THOC1: variants seen among roughly 807,000 people sequenced by gnomAD.
THOC1 encodes the protein THO complex 1.
In THOC1, 29 loss-of-function variants were observed where a neutral mutation model predicts 97.3. The ratio of observed to expected loss-of-function variants is 0.30; its 90% CI spans 0.22 to 0.41. THOC1 has a LOEUF of 0.41. Among genes scored for constraint, THOC1 ranks in the 10% least tolerant of loss-of-function variants. The pLI, the probability that THOC1 is intolerant of heterozygous loss-of-function variation, is 1.00. For missense variants in THOC1, 529 were observed against 761.9 expected (o/e 0.69, Z 3.60); for synonymous variants, 255 against 257.0 (o/e 0.99, Z 0.07).
At chr18:261,721 C>A (rs1288178758) in intron 4 of THOC1, among the ~76,000 whole-genome samples, 1 of 152,190 alleles carries the variant, frequency 6.6e-6, no homozygotes, top group Non-Finnish European at 1.5e-5. Flanking sequence ...ATTTGAGAAG[C>A]ATATTTTCTG....
chr18:242,163 G>C lies in THOC1; in HGVS notation c.918+4161C>G, dbSNP rs1235985245. 2.0e-5 allele frequency among the ~76,000 whole-genome samples: 3 copies of C among 152,210 alleles called. No individual in the cohort carries two copies. Among genetic ancestry groups the C allele is most frequent in the Admixed American group, 1.3e-4 (2 of 15,292 alleles). On this transcript the variant is annotated intron_variant, in intron 11 of 20. Coordinates refer to ENST00000261600, the MANE Select transcript of THOC1 (RefSeq NM_005131.3). This position sits in a 1 kb window ranked among gnomAD's most constrained non-coding sequence, Gnocchi z 4.5. ...CCTACCTGTAGTTGCCACATGACTG[G>C]CCTATCTCCAACTATAAAGTTTATA...
At chr18:225,269 G>C in intron 13 of THOC1, 68 bp downstream of exon 13, 1 of 1,578,392 alleles carries the variant, frequency 6.3e-7, no homozygotes, top group Non-Finnish European at 8.7e-7. Context: ...TTCCTATTTG[G>C]GGCTGAAACA....
chr18:249,958 C>T (rs907683763), intron 9 of THOC1, among the ~76,000 whole-genome samples: 1 of 152,182 alleles, frequency 6.6e-6, no homozygotes, highest in African/African-American at 2.4e-5. Context: ...GAATGAGACT[C>T]ATGCAACCAT....
chr18:233,601 T>C (rs548484345), intron 11 of THOC1, among the ~76,000 whole-genome samples: 1 of 152,064 alleles, frequency 6.6e-6, no homozygotes, highest in African/African-American at 2.4e-5. Flanking sequence ...AACAAATAAA[T>C]AAATAATTCA....
At chr18:260,069 C>A in intron 5 of THOC1, 117 bp downstream of exon 5, 1 of 640,988 alleles carries the variant, frequency 1.6e-6, no homozygotes, top group Non-Finnish European at 2.5e-6. Context: ...TTTTCATAGG[C>A]AGAAACTTGT....
Position 259,287 on chromosome 18 carries a change from T to A in THOC1, c.425-12A>T. On this transcript the variant is annotated splice_polypyrimidine_tract_variant and intron_variant, in intron 6 of 20. Coordinates refer to ENST00000261600, the MANE Select transcript of THOC1 (RefSeq NM_005131.3). ...TCTTCTTAGGAGATCTAACAATATATGAAAATGAACGTTACACAGAAAAGA... is the reference window on the plus strand; with the variant it reads ...TCTTCTTAGGAGATCTAACAATATAAGAAAATGAACGTTACACAGAAAAGA... 1 of 1,580,092 alleles carries A rather than the reference T, an allele frequency of 6.3e-7. No individual in the cohort carries two copies. Among genetic ancestry groups the A allele is most frequent in the South Asian group, 1.2e-5 (1 of 86,762 alleles).
intron 1 of THOC1, among the ~76,000 whole-genome samples, chr18:266,591 G>A (rs758370533): frequency 3.5e-5 from 5 of 142,350 alleles, no homozygotes; most frequent in Non-Finnish European, 7.5e-5. Flanking sequence ...CAGGTGTTGT[G>A]CACTGGCATG....
chr18:226,544 C>G, intron 12 of THOC1: 1 of 345,972 alleles, frequency 2.9e-6, no homozygotes. Context: ...GAGCAGAGAC[C>G]TCCACCTGCT....
chr18:253,949 C>T (rs1325640978), intron 8 of THOC1, among the ~76,000 whole-genome samples: 10 of 143,366 alleles, frequency 7.0e-5, no homozygotes, highest in African/African-American at 5.2e-5. Context: ...CTCACTCTGT[C>T]GCCCAGGCTG....
intron 13 of THOC1, 29 bp downstream of exon 13, chr18:225,308 A>G (rs761664317): frequency 1.1e-5 from 18 of 1,609,228 alleles, no homozygotes; most frequent in East Asian, 2.2e-5. Context: ...CATTTTTTCA[A>G]TCATGGGTTT....
intron 4 of THOC1, 79 bp downstream of exon 4, chr18:263,947 G>A (rs745558211): frequency 2.2e-4 from 237 of 1,098,540 alleles, no homozygotes; most frequent in Non-Finnish European, 2.8e-4. Flanking sequence ...AGGTGGAGAA[G>A]TATGGGGAGA....
chr18:216,928 A>G (rs1272124104), intron 18 of THOC1, among the ~76,000 whole-genome samples: 1 of 152,244 alleles, frequency 6.6e-6, no homozygotes, highest in African/African-American at 2.4e-5. Context: ...ACAAGTCAAC[A>G]AGTGTGTGCA....
At chr18:217,164 T>C (rs1910921499) in intron 18 of THOC1, among the ~76,000 whole-genome samples, 2 of 152,242 alleles carry the variant, frequency 1.3e-5, no homozygotes, top group African/African-American at 4.8e-5. Context: ...TGGAAGTCTC[T>C]TCCTCCCCTA....
chr18:227,277 C>T (rs1350568626), intron 11 of THOC1, among the ~76,000 whole-genome samples: 1 of 151,788 alleles, frequency 6.6e-6, no homozygotes, highest in Non-Finnish European at 1.5e-5. Flanking sequence ...CTCAGGAGTT[C>T]GAGATCAGTC....
At chr18:236,652 C>A (rs960513997) in intron 11 of THOC1, among the ~76,000 whole-genome samples, 12 of 152,010 alleles carry the variant, frequency 7.9e-5, no homozygotes, top group Non-Finnish European at 1.5e-4. Context: ...CGTGAGCCAC[C>A]GCGCCCGGCG....
chr18:231,453 C>T (rs1387040087), intron 11 of THOC1, among the ~76,000 whole-genome samples: 5 of 152,082 alleles, frequency 3.3e-5, no homozygotes, highest in African/African-American at 1.2e-4. Flanking sequence ...ACATAAAAAA[C>T]ATGTGCTAGA....
In THOC1 at chr18:254,474, C is replaced by T. The variant is rs747274144; in HGVS notation, c.521-119G>A. On this transcript the variant is annotated intron_variant, in intron 7 of 20. Transcript: ENST00000261600. This position sits in a 1 kb window ranked among gnomAD's most constrained non-coding sequence, Gnocchi z 4.1. ...ATCCATAAAGAGCAGTCAAAATTAACACATTTGATTTTCAAATCCTTTCAA... is the reference window on the plus strand; with the variant it reads ...ATCCATAAAGAGCAGTCAAAATTAATACATTTGATTTTCAAATCCTTTCAA... 2.2e-4 allele frequency: 146 copies of T among 653,740 alleles called. No homozygotes were observed. Among genetic ancestry groups the T allele is most frequent in the Non-Finnish European group, 3.7e-4 (138 of 374,144 alleles). 40.5% of individuals were successfully genotyped at this position (653,740 alleles called of 1,614,324 possible). A position where few individuals can be genotyped will look rare whatever the true frequency, so the allele number is the denominator to read the frequency against.
intron 19 of THOC1, 58 bp downstream of exon 19, chr18:216,428 A>G: frequency 6.4e-7 from 1 of 1,564,382 alleles, no homozygotes; most frequent in Non-Finnish European, 8.7e-7. Context: ...ACATAGTGAC[A>G]GCAATTTTAA....
chr18:267,857 G>A, intron 1 of THOC1, 109 bp downstream of exon 1: 2 of 1,172,734 alleles, frequency 1.7e-6, no homozygotes, highest in Non-Finnish European at 2.4e-6. Flanking sequence ...CGCTGAGGCG[G>A]ACACACCTCT....
Sources: allele counts gnomAD v4.1 joint callset (sites outside exome capture counted in the v4.1 genomes callset), GRCh38; gene constraint gnomAD v4.1.1; non-coding constraint Gnocchi (gnomAD v3.1); transcripts MANE v1.5; gene names NCBI Gene and HGNC (gene_info 2026-07-23, HGNC 2026-07-21).